NELL1: variants seen among roughly 807,000 people sequenced by gnomAD.
NELL1 encodes neural EGFL like 1.
Under a neutral mutation model 107.4 loss-of-function variants are expected in NELL1, and 76 were observed. The ratio of observed to expected loss-of-function variants is 0.71; its 90% confidence interval spans 0.59 to 0.86. The LOEUF (loss-of-function observed/expected upper bound fraction) is 0.86, where lower values mean the gene tolerates loss of function less well. NELL1 is among the 40% of genes least tolerant of loss of function. NELL1 has a pLI of 0.00. For missense variants in NELL1, 1,024 were observed against 1,005.5 expected (o/e 1.02, Z -0.25); for synonymous variants, 353 against 341.2 (o/e 1.03, Z -0.38).
intron 1 of NELL1, chr11:20,674,419 C>T (rs1337044081): frequency 8.1e-7 from 1 of 1,229,214 alleles, no homozygotes; most frequent in African/African-American, 1.5e-5. Flanking sequence ...CCCGAGTCCT[C>T]ATGAGTCTGG....
At chr11:20,787,468 C>A (rs1262102452) in intron 3 of NELL1, among the ~76,000 whole-genome samples, 1 of 152,172 alleles carries the variant, frequency 6.6e-6, no homozygotes, top group African/African-American at 2.4e-5. Context: ...ATAAAAGTAT[C>A]TAGAGGAGCA....
At chr11:21,236,088 C>CT (rs1455995530) in intron 14 of NELL1, among the ~76,000 whole-genome samples, 1 of 152,050 alleles carries the variant, frequency 6.6e-6, no homozygotes, top group African/African-American at 2.4e-5. Context: ...TTTCCCTCTC[C>CT]TTGGGATCAT....
intron 2 of NELL1, among the ~76,000 whole-genome samples, chr11:20,708,681 TTACTC>T (rs1855036686): frequency 1.3e-5 from 2 of 152,202 alleles, no homozygotes; most frequent in African/African-American, 2.4e-5. Flanking sequence ...GGTTGTCTGT[TTACTC>T]TGCTGGTTAT....
chr11:20,804,142 C>A (rs777013487), intron 3 of NELL1, among the ~76,000 whole-genome samples: 68 of 152,118 alleles, frequency 4.5e-4, no homozygotes, highest in Non-Finnish European at 8.7e-4. Flanking sequence ...CTATAAACTT[C>A]CTTTTTGCTA....
intron 15 of NELL1, among the ~76,000 whole-genome samples, chr11:21,398,544 T>C (rs2133793151): frequency 6.6e-6 from 1 of 151,622 alleles, no homozygotes; most frequent in South Asian, 2.1e-4. Flanking sequence ...AGGAGGAGGA[T>C]CAAAGTAGAC....
intron 15 of NELL1, among the ~76,000 whole-genome samples, chr11:21,426,705 A>T (rs1019394364): frequency 6.6e-6 from 1 of 152,210 alleles, no homozygotes; most frequent in Non-Finnish European, 1.5e-5. Flanking sequence ...ACAAACATCA[A>T]TAGGGTGTGT....
chr11:21,188,796 G>C (rs1348658578), intron 13 of NELL1, among the ~76,000 whole-genome samples: 2 of 151,692 alleles, frequency 1.3e-5, no homozygotes, highest in East Asian at 3.9e-4. Flanking sequence ...ATTCTTTCCA[G>C]TATAAATCTT....
At chr11:21,538,816 A>C (rs1009620175) in intron 16 of NELL1, among the ~76,000 whole-genome samples, 1 of 152,156 alleles carries the variant, frequency 6.6e-6, no homozygotes, top group Non-Finnish European at 1.5e-5. Flanking sequence ...TTTTAAAAAT[A>C]AGATTCAGAC....
chr11:21,185,098 C>G (rs1856905983), intron 13 of NELL1, among the ~76,000 whole-genome samples: 1 of 151,656 alleles, frequency 6.6e-6, no homozygotes, highest in African/African-American at 2.4e-5. Flanking sequence ...ATCCATCCAT[C>G]TATACTTCCA....
intron 12 of NELL1, among the ~76,000 whole-genome samples, chr11:20,999,301 A>G (rs1222314075): frequency 2.6e-5 from 4 of 152,136 alleles, no homozygotes; most frequent in African/African-American, 7.2e-5. Flanking sequence ...GGACTCCATT[A>G]AGCTTTAATG....
chr11:20,928,687 A>G (rs534230747), intron 9 of NELL1, among the ~76,000 whole-genome samples: 13 of 152,046 alleles, frequency 8.6e-5, no homozygotes, highest in Admixed American at 6.5e-4. Flanking sequence ...TTTTTTTTAA[A>G]TCCTCACATC....
At chr11:21,405,016 G>A (rs1433554177) in intron 15 of NELL1, among the ~76,000 whole-genome samples, 2 of 151,998 alleles carry the variant, frequency 1.3e-5, no homozygotes, top group Admixed American at 6.6e-5. Flanking sequence ...TGTAATAAAG[G>A]CAAGGCAAGT....
intron 14 of NELL1, among the ~76,000 whole-genome samples, chr11:21,290,873 T>C (rs11026006): frequency 0.07 from 10,595 of 152,138 alleles, 512 homozygotes; most frequent in East Asian, 0.17. Flanking sequence ...GATAAATCCA[T>C]GAAGATGAGG....
chr11:21,133,699 A>G (rs968185458), intron 13 of NELL1, among the ~76,000 whole-genome samples: 1 of 21,594 alleles, frequency 4.6e-5, no homozygotes, highest in Admixed American at 6.0e-4. Context: ...ACTCGGGAGC[A>G]GGGGTGGTGT....
rs1211636069 is a variant in NELL1 at position 20,954,682 on chromosome 11, T to G, written c.1172-5750T>G. The stretch of plus-strand genomic sequence containing the variant: ...AGGTAAGTGGGCATGGAATGAATAT[T>G]GCTTGAATAAAGGCCTCCATTAATT... On this transcript the variant is annotated intron_variant, in intron 11 of 19. Transcript: ENST00000357134. Among the ~76,000 whole-genome samples, 3 of 152,230 alleles carry G rather than the reference T, an allele frequency of 2.0e-5. No homozygotes were observed. In the East Asian group the frequency reaches 5.8e-4, roughly 29 times the overall value.
At chr11:21,066,596 T>A (rs1176346638) in intron 12 of NELL1, among the ~76,000 whole-genome samples, 1 of 152,170 alleles carries the variant, frequency 6.6e-6, no homozygotes, top group Admixed American at 6.6e-5. Flanking sequence ...CAATGCATAT[T>A]TATTAGAATG....
In NELL1 at chr11:20,698,163, G is replaced by C. The variant is rs904058416; in HGVS notation, c.184+20103G>C. 1.2e-4 allele frequency among the ~76,000 whole-genome samples: 18 copies of C among 152,252 alleles called. 1 individual carries two copies. The highest frequency in any genetic ancestry group is 4.3e-4 in the African/African-American group (18 of 41,556). On this transcript the variant is annotated intron_variant, in intron 2 of 19. Coordinates refer to ENST00000357134, the MANE Select transcript of NELL1 (RefSeq NM_006157.5). The stretch of plus-strand genomic sequence containing the variant: ...TTCACATACCAGTGTCTCCCAAATA[G>C]AAGTGTTTTTGCTCTTGCCAAATAA...
Position 20,721,181 on chromosome 11 carries a change from G to GTATATATA in NELL1, c.184+43130_184+43137dup, listed in dbSNP as rs137948986. On this transcript the variant is annotated intron_variant, in intron 2 of 19. Coordinates refer to ENST00000357134, the MANE Select transcript of NELL1 (RefSeq NM_006157.5). ...AATGAGATATAGATATATATTTTGT[G>GTATATATA]TATATATATATATATAGTGTATATA... 4.0e-3 allele frequency among the ~76,000 whole-genome samples: 509 copies of GTATATATA among 125,832 alleles called. 31 individuals carry two copies. Among genetic ancestry groups the GTATATATA allele is most frequent in the African/African-American group, 0.017 (485 of 27,858 alleles). The allele number at this position is 125,832 out of a possible 152,430, so 82.6% of individuals were successfully genotyped here. A position where few individuals can be genotyped will look rare whatever the true frequency, so the allele number is the denominator to read the frequency against.
chr11:21,002,671 G>C (rs907887609), intron 12 of NELL1, among the ~76,000 whole-genome samples: 2 of 152,094 alleles, frequency 1.3e-5, no homozygotes, highest in African/African-American at 4.8e-5. Flanking sequence ...CTTGTCTAGG[G>C]TTCTGCTTTA....
Sources: allele counts gnomAD v4.1 joint callset (sites outside exome capture counted in the v4.1 genomes callset), GRCh38; gene constraint gnomAD v4.1.1; transcripts MANE v1.5; gene names NCBI Gene and HGNC (gene_info 2026-07-23, HGNC 2026-07-21).